The following SGCD variants were observed in gnomAD, a reference collection of about 807,000 sequenced individuals.
The protein encoded by SGCD is delta-sarcoglycan.
Under a neutral mutation model 36.6 loss-of-function variants are expected in SGCD, and 18 were observed. That is an observed-to-expected ratio of 0.49 (90% CI 0.34 to 0.73). The LOEUF (loss-of-function observed/expected upper bound fraction) is 0.73, where lower values mean the gene tolerates loss of function less well. SGCD is among the 30% of genes least tolerant of loss of function. The pLI is 0.01. For synonymous variants in SGCD, 133 were observed against 130.6 expected (o/e 1.02, Z -0.12); for missense variants, 387 against 346.7 (o/e 1.12, Z -0.92).
intron 3 of SGCD, among the ~76,000 whole-genome samples, chr5:156,298,825 C>T (rs1245349707): frequency 6.6e-6 from 1 of 151,802 alleles, no homozygotes; most frequent in East Asian, 1.9e-4. Flanking sequence ...TATTGGAGCT[C>T]CTAATATATT....
intron 1 of SGCD, among the ~76,000 whole-genome samples, chr5:155,873,502 A>G (rs1755702979): frequency 6.6e-6 from 1 of 152,118 alleles, no homozygotes; most frequent in East Asian, 1.9e-4. Context: ...AAAGTGGAAT[A>G]ATAGACATGT....
intron 1 of SGCD, among the ~76,000 whole-genome samples, chr5:156,000,999 G>A (rs1388475475): frequency 6.6e-6 from 1 of 152,002 alleles, no homozygotes; most frequent in Admixed American, 6.6e-5. Context: ...GAACTTTTGG[G>A]GCTTGTTGTC....
intron 1 of SGCD, among the ~76,000 whole-genome samples, chr5:156,068,429 A>G (rs1760408603): frequency 6.6e-6 from 1 of 152,112 alleles, no homozygotes; most frequent in Non-Finnish European, 1.5e-5. Flanking sequence ...AATTTCATCC[A>G]TGTCCCTACA....
chr5:156,413,235 C>G (rs979393465), intron 3 of SGCD, among the ~76,000 whole-genome samples: 1 of 152,150 alleles, frequency 6.6e-6, no homozygotes, highest in African/African-American at 2.4e-5. Context: ...AGCAAAGGGT[C>G]GGGGAAGGCC....
At chr5:156,475,712 G>A (rs1581046875) in intron 3 of SGCD, among the ~76,000 whole-genome samples, 1 of 152,086 alleles carries the variant, frequency 6.6e-6, no homozygotes, top group Non-Finnish European at 1.5e-5. Context: ...AACAATTCCT[G>A]GAGAGTTCTT....
chr5:155,831,117 A>G, the SGCD span, among the ~76,000 whole-genome samples: 20 of 152,336 alleles, frequency 1.3e-4, no homozygotes, highest in Non-Finnish European at 2.1e-4. Flanking sequence ...TCAATCAGCT[A>G]GAAGAGGTGG....
intron 4 of SGCD, among the ~76,000 whole-genome samples, chr5:156,579,026 C>T (rs900020718): frequency 2.6e-5 from 4 of 152,110 alleles, no homozygotes; most frequent in Admixed American, 1.3e-4. Context: ...TTAGATCTTT[C>T]CTGCTTTTTC....
At chr5:156,524,973 A>T (rs1157368835) in intron 4 of SGCD, among the ~76,000 whole-genome samples, 1 of 151,966 alleles carries the variant, frequency 6.6e-6, no homozygotes, top group African/African-American at 2.4e-5. Flanking sequence ...TTGCTCATTC[A>T]TCTGTCAGTT....
intron 1 of SGCD, among the ~76,000 whole-genome samples, chr5:156,327,599 G>C (rs1010930790): frequency 1.3e-5 from 2 of 152,198 alleles, no homozygotes; most frequent in African/African-American, 4.8e-5. Context: ...AGATGAAACT[G>C]TCTGTGTGTT....
At chr5:155,804,721 C>A in the SGCD span, among the ~76,000 whole-genome samples, 1 of 152,184 alleles carries the variant, frequency 6.6e-6, no homozygotes, top group Non-Finnish European at 1.5e-5. Flanking sequence ...CTGCATGGAT[C>A]AACCGTGAAA....
intron 3 of SGCD, among the ~76,000 whole-genome samples, chr5:156,293,051 G>A (rs1023505094): frequency 2.0e-5 from 3 of 151,754 alleles, no homozygotes; most frequent in Non-Finnish European, 4.4e-5. Flanking sequence ...CATTCTGAGG[G>A]TTGCCTTTCT....
At chr5:155,976,338 C>A (rs1361505494) in intron 1 of SGCD, among the ~76,000 whole-genome samples, 3 of 152,082 alleles carry the variant, frequency 2.0e-5, no homozygotes, top group Non-Finnish European at 4.4e-5. Context: ...GTTTGAAATA[C>A]TTCATATTTA....
chr5:156,330,799 G>A (rs1768034381), intron 2 of SGCD, among the ~76,000 whole-genome samples: 1 of 152,186 alleles, frequency 6.6e-6, no homozygotes, highest in South Asian at 2.1e-4. Flanking sequence ...TCATCTTGCT[G>A]TGGAAGAAAA....
At chr5:156,375,063 G>A (rs1401620884) in intron 3 of SGCD, among the ~76,000 whole-genome samples, 2 of 152,022 alleles carry the variant, frequency 1.3e-5, no homozygotes, top group Admixed American at 1.3e-4. Flanking sequence ...AACTTTTGAA[G>A]ATCCTTTTCC....
intron 3 of SGCD, among the ~76,000 whole-genome samples, chr5:156,444,118 C>A: frequency 1.4e-5 from 1 of 69,334 alleles, no homozygotes; most frequent in Admixed American, 1.5e-4. Flanking sequence ...CTCTCTCTCC[C>A]CTTCCCTCTC....
rs184420561 is a variant in SGCD, at chr5:156,606,851, C to G, written c.502+11800C>G. On this transcript the variant is annotated intron_variant, in intron 6 of 8. Coordinates refer to ENST00000337851, the MANE Select transcript of SGCD (RefSeq NM_000337.6). ...ACTCATGATTTGGCTCTCTGTTTGT[C>G]TGTTATTGGTGTATAAGAATGCTTG... Among the ~76,000 whole-genome samples the G allele has an allele frequency of 1.8e-4, 28 of 152,240 alleles. No individual in the cohort carries two copies. In the East Asian group the frequency reaches 5.0e-3, roughly 27 times the overall value.
chr5:156,369,414 T>C (rs1443015054), intron 3 of SGCD, among the ~76,000 whole-genome samples: 1 of 152,186 alleles, frequency 6.6e-6, no homozygotes, highest in East Asian at 1.9e-4. Context: ...TTCCTCATTT[T>C]TGAAACCAAA....
At chr5:155,949,352 T>C (rs1013214631) in intron 1 of SGCD, among the ~76,000 whole-genome samples, 6 of 152,210 alleles carry the variant, frequency 3.9e-5, no homozygotes, top group Non-Finnish European at 1.5e-5. Context: ...AGATGGCTAG[T>C]CCTAATTGAG....
chr5:156,227,620 G>GT (rs539999104), intron 3 of SGCD, among the ~76,000 whole-genome samples: 19 of 151,942 alleles, frequency 1.3e-4, no homozygotes, highest in Middle Eastern at 3.4e-3. Flanking sequence ...TTTTAGAATT[G>GT]TTTTTTCGAA....
Sources: allele counts gnomAD v4.1 joint callset (sites outside exome capture counted in the v4.1 genomes callset), GRCh38; gene constraint gnomAD v4.1.1; transcripts MANE v1.5; gene names NCBI Gene and HGNC (gene_info 2026-07-23, HGNC 2026-07-21).